The following LAMB1 variants were observed in gnomAD, a reference collection of about 807,000 sequenced individuals.
The protein encoded by LAMB1 is laminin subunit beta-1.
Under a neutral mutation model 222.3 loss-of-function variants are expected in LAMB1, and 121 were observed. The ratio of observed to expected loss-of-function variants is 0.54; its 90% CI spans 0.47 to 0.63. LAMB1 has a LOEUF of 0.63. Among genes scored for constraint, LAMB1 ranks in the 30% least tolerant of loss-of-function variants. The probability of loss-of-function intolerance (pLI) is 0.00; values close to 1 mark genes in which losing one functional copy is unlikely to be tolerated. For missense variants in LAMB1, 2,172 were observed against 2,240.8 expected, an observed-to-expected ratio of 0.97 and a Z score of 0.62; for synonymous variants, 794 against 807.2, an observed-to-expected ratio of 0.98 and a Z score of 0.28.
intron 30 of LAMB1, 26 bp downstream of exon 30, chr7:107,929,386 C>A (rs758913050): frequency 3.1e-6 from 5 of 1,590,832 alleles, no homozygotes; most frequent in Non-Finnish European, 4.3e-6. Flanking sequence ...CAAAATAAGC[C>A]CCTTAGATGC....
At chr7:107,957,434 G>A (rs529043604) in intron 20 of LAMB1, among the ~76,000 whole-genome samples, 86 of 152,280 alleles carry the variant, frequency 5.6e-4, no homozygotes, top group African/African-American at 1.9e-3. Context: ...TGTAATCCCA[G>A]CTACTTGGGA....
chr7:107,971,439 T>C (rs906766019), intron 13 of LAMB1, among the ~76,000 whole-genome samples: 2 of 152,214 alleles, frequency 1.3e-5, no homozygotes, highest in Non-Finnish European at 2.9e-5. Context: ...CATCTCCCAG[T>C]AGAATCAGTG....
rs1475333916 is a variant in LAMB1, at chr7:107,961,587, A to G, written c.1947T>C (p.Asp649=). 2 of 1,614,132 alleles carry G rather than the reference A, an allele frequency of 1.2e-6. 1 individual carries two copies. The highest frequency in any genetic ancestry group is 3.3e-4 in the Middle Eastern group (2 of 6,062). The part of the protein sequence containing the change: ...TSSRCGNTIP[D]DDNQVVSLSP... ...ATAATGACACCACCTGGTTGTCATC[A>G]TCGGGGATGGTATTACCACATCGGC... Residue 649 remains aspartate, a synonymous_variant, in exon 16 of 34, where the codon GAT becomes GAC. Transcript: ENST00000222399.
intron 21 of LAMB1, among the ~76,000 whole-genome samples, 160 bp from the exon 22 acceptor site, chr7:107,953,914 T>C (rs1002814262): frequency 3.9e-5 from 6 of 152,134 alleles, no homozygotes; most frequent in Non-Finnish European, 8.8e-5. Flanking sequence ...GGGGAAAGAA[T>C]AGGCTTTGAG....
intron 24 of LAMB1, among the ~76,000 whole-genome samples, chr7:107,944,566 T>C (rs1245816741): frequency 6.6e-6 from 1 of 152,148 alleles, no homozygotes; most frequent in Non-Finnish European, 1.5e-5. Flanking sequence ...TAGTCTCAAA[T>C]GTACCAGGTT....
chr7:107,935,139 G>T (rs1020253408), intron 27 of LAMB1, among the ~76,000 whole-genome samples: 1 of 151,868 alleles, frequency 6.6e-6, no homozygotes, highest in Non-Finnish European at 1.5e-5. Flanking sequence ...AAAACAGTAT[G>T]GGAGAATAGT....
chr7:107,933,233 A>C (rs1011112393), intron 27 of LAMB1, among the ~76,000 whole-genome samples: 29 of 152,356 alleles, frequency 1.9e-4, no homozygotes, highest in African/African-American at 6.5e-4. Flanking sequence ...AATTGCATTT[A>C]GAGCTGTTTG....
chr7:107,935,294 T>C (rs1584487067), intron 27 of LAMB1, 121 bp downstream of exon 27: 16 of 1,446,290 alleles, frequency 1.1e-5, no homozygotes, highest in Non-Finnish European at 1.4e-5. Flanking sequence ...TCAGTCCTGC[T>C]GATTCATTTG....
At chr7:107,932,485 G>A in intron 27 of LAMB1, 108 bp from the exon 28 acceptor site, 1 of 1,026,632 alleles carries the variant, frequency 9.7e-7, no homozygotes, top group African/African-American at 1.6e-5. Flanking sequence ...GTGGTCCTCA[G>A]CAAGGGTGCT....
chr7:108,002,863 G>T lies in LAMB1; in HGVS notation c.23C>A (p.Ala8Asp). 1 of 1,614,148 alleles carries T rather than the reference G, an allele frequency of 6.2e-7. No individual in the cohort carries two copies. The highest frequency in any genetic ancestry group is 8.5e-7 in the Non-Finnish European group (1 of 1,180,006). MGLLQLL[A>D]FSFLALCRAR... Reference sequence around the variant, plus strand: ...CACGGAATTACCTAAGAAACTGAAAGCTAGCAACTGGAGAAGCCCCATGCC... The same window carrying T: ...CACGGAATTACCTAAGAAACTGAAATCTAGCAACTGGAGAAGCCCCATGCC... Residue 8 changes from alanine (A) to aspartate (D), a missense_variant, in exon 2 of 34, where the codon GCT (alanine) becomes GAT (aspartate). By Grantham distance (126) the Ala-to-Asp change is moderately radical. Transcript: ENST00000222399.
At position 107,953,733 on chromosome 7, in the gene LAMB1, G is replaced by A. The variant is rs1293054437; in HGVS notation, c.2876C>T (p.Ala959Val). The A allele has an allele frequency of 1.9e-6, 3 of 1,614,014 alleles. No homozygotes were observed. The highest frequency in any genetic ancestry group is 2.2e-5 in the East Asian group (1 of 44,892). ...GYIGSRCDDC[A>V]SGYFGNPSEV... ...TGATGGATTGCCAAAGTATCCTGAG[G>A]CACAGTCGTCACATCTGGAACCTGT... Residue 959 changes from alanine to valine, a missense_variant, in exon 22 of 34, where the codon GCC becomes GTC. By Grantham distance (64) the Ala-to-Val change is moderately conservative (BLOSUM62 0). Transcript: ENST00000222399.
At chr7:107,926,933 AT>A (rs1386334005) in intron 31 of LAMB1, among the ~76,000 whole-genome samples, 2 of 152,196 alleles carry the variant, frequency 1.3e-5, no homozygotes, top group African/African-American at 4.8e-5. Context: ...GGAAAAAAAA[AT>A]ATCTGGGCAA....
At position 107,940,286 on chromosome 7, in the gene LAMB1, T is replaced by C. The variant is rs141715466; in HGVS notation, c.3464A>G (p.Glu1155Gly). The C allele has an allele frequency of 1.2e-6, 2 of 1,614,020 alleles. No individual in the cohort carries two copies. The highest frequency in any genetic ancestry group is 2.7e-5 in the African/African-American group (2 of 74,916). Residue 1155 changes from glutamate (E) to glycine (G), a missense_variant, in exon 25 of 34, where the codon GAG becomes GGG. Physicochemically the swap from Glu to Gly is moderately conservative, Grantham distance 98. Transcript: ENST00000222399. ...GTCACAGCGTGGACCCTCAACACCC[T>C]CAACGCAGACACACTGGCCCGTGGA... ...DQSTGQCVCV[E>G]GVEGPRCDKC...
intron 13 of LAMB1, among the ~76,000 whole-genome samples, chr7:107,969,854 AC>A (rs2033712119): frequency 6.6e-6 from 1 of 152,236 alleles, no homozygotes; most frequent in African/African-American, 2.4e-5. Flanking sequence ...TTATGGGACC[AC>A]CGTTGTATGT....
At chr7:107,950,840 A>G (rs2033227300) in intron 24 of LAMB1, among the ~76,000 whole-genome samples, 1 of 152,178 alleles carries the variant, frequency 6.6e-6, no homozygotes, top group Non-Finnish European at 1.5e-5. Flanking sequence ...AGAGGGGATA[A>G]AAAGTCACTT....
rs563967018 is a variant in LAMB1, at chr7:107,959,411, A to T, written c.2528T>A (p.Phe843Tyr). Residue 843 changes from phenylalanine to tyrosine, a missense_variant, in exon 20 of 34, where the codon TTC becomes TAC. Phe to Tyr is a conservative substitution (Grantham distance 22). Coordinates refer to ENST00000222399, the MANE Select transcript of LAMB1 (RefSeq NM_002291.3). Reference sequence around the variant, plus strand: ...ACACTGCCGAGCATACACTCCCTGGAAACAGTGGCACTGGCCAGTGACGGG... The same window carrying T: ...ACACTGCCGAGCATACACTCCCTGGTAACAGTGGCACTGGCCAGTGACGGG... The part of the protein sequence containing the change: ...CNPVTGQCHC[F>Y]QGVYARQCDR... 3 of 1,614,242 alleles carry T rather than the reference A, an allele frequency of 1.9e-6. No individual in the cohort carries two copies. The highest frequency in any genetic ancestry group is 2.5e-6 in the Non-Finnish European group (3 of 1,180,044).
chr7:107,936,780 C>T (rs564039721), intron 26 of LAMB1, among the ~76,000 whole-genome samples: 9 of 151,646 alleles, frequency 5.9e-5, no homozygotes, highest in Non-Finnish European at 8.8e-5. Context: ...AAAAGAACCC[C>T]CTTCCAAGAA....
intron 21 of LAMB1, among the ~76,000 whole-genome samples, chr7:107,955,080 G>A (rs573621643): frequency 1.3e-5 from 2 of 152,242 alleles, no homozygotes; most frequent in South Asian, 4.1e-4. Context: ...GTGATTCCCT[G>A]GATGATATTA....
intron 13 of LAMB1, among the ~76,000 whole-genome samples, chr7:107,969,161 G>C (rs1237071189): frequency 6.6e-6 from 1 of 152,024 alleles, no homozygotes; most frequent in East Asian, 1.9e-4. Context: ...GGTGGCAGGT[G>C]CCTGTAGTCC....
Sources: allele counts gnomAD v4.1 joint callset (sites outside exome capture counted in the v4.1 genomes callset), GRCh38; gene constraint gnomAD v4.1.1; transcripts MANE v1.5; gene names NCBI Gene and HGNC (gene_info 2026-07-23, HGNC 2026-07-21).